The following ARSG variants were observed in gnomAD, a reference collection of about 807,000 sequenced individuals.
ARSG encodes the protein ASG.
ARSG carries 37 observed loss-of-function variants against 50.5 expected under a neutral mutation model. The observed-to-expected ratio is 0.73, with a 90% CI of 0.56 to 0.96. The LOEUF is 0.96. ARSG is among the 50% of genes least tolerant of loss of function. ARSG has a pLI of 0.00. For missense variants in ARSG, 629 were observed against 675.3 expected (o/e 0.93, Z 0.76); for synonymous variants, 225 against 254.6 (o/e 0.88, Z 1.11).
intron 8 of ARSG, among the ~76,000 whole-genome samples, chr17:68,383,852 T>G (rs1488621093): frequency 6.6e-6 from 1 of 152,192 alleles, no homozygotes; most frequent in Non-Finnish European, 1.5e-5. Context: ...CAGTTAGATT[T>G]TTCAACCCCA....
chr17:68,292,419 A>G (rs1470234341), intron 1 of ARSG, among the ~76,000 whole-genome samples: 1 of 152,172 alleles, frequency 6.6e-6, no homozygotes, highest in East Asian at 1.9e-4. Flanking sequence ...CATGGGGACA[A>G]AGCATGTGTC....
In ARSG at chr17:68,335,426, C is replaced by T. The variant is rs993670732; in HGVS notation, c.219-8178C>T. On this transcript the variant is annotated intron_variant, in intron 2 of 11. Transcript: ENST00000621439. ...AAAATTAGCCGGGCGTAGTGGCGGG[C>T]GCCTGTAGTCCCAGCTACTCGGGAG... Among the ~76,000 whole-genome samples, 14 of 151,110 alleles carry T rather than the reference C, an allele frequency of 9.3e-5. No individual in the cohort carries two copies. In the South Asian group the frequency reaches 1.5e-3, roughly 16 times the overall value.
intron 4 of ARSG, among the ~76,000 whole-genome samples, chr17:68,349,703 C>A (rs1281160437): frequency 1.3e-5 from 2 of 151,940 alleles, no homozygotes; most frequent in African/African-American, 4.8e-5. Context: ...GGCCAACATG[C>A]TGAAATCCCA....
chr17:68,395,098 G>A lies in ARSG; in HGVS notation c.1117G>A (p.Val373Ile). Reference sequence around the variant, plus strand: ...CGTGCTGGACATTTTTCCAACTGTGGTAGCCCTGGCCCAGGCCAGCTTACC... The same window carrying A: ...CGTGCTGGACATTTTTCCAACTGTGATAGCCCTGGCCCAGGCCAGCTTACC... ...LSVLDIFPTV[V>I]ALAQASLPQG... The change falls in exon 10 of 12, where the codon GTA becomes ATA. Residue 373 changes from valine (V) to isoleucine (I), a missense_variant. By Grantham distance (29) the Val-to-Ile change is conservative (BLOSUM62 3). Coordinates refer to ENST00000621439, the MANE Select transcript of ARSG (RefSeq NM_001267727.2). 6.2e-7 allele frequency: 1 copy of A among 1,614,074 alleles called. No individual in the cohort carries two copies. The highest frequency in any genetic ancestry group is 8.5e-7 in the Non-Finnish European group (1 of 1,179,944).
At chr17:68,430,009 A>G in the ARSG span, 3 of 1,614,204 alleles carry the variant, frequency 1.9e-6, no homozygotes, top group Non-Finnish European at 1.7e-6. Flanking sequence ...GAGAGGGTAC[A>G]GATGTTCCTC....
At chr17:68,352,936 C>T (rs1230802876) in intron 5 of ARSG, among the ~76,000 whole-genome samples, 1 of 152,232 alleles carries the variant, frequency 6.6e-6, no homozygotes, top group East Asian at 1.9e-4. Flanking sequence ...CAGCACAAAA[C>T]ACGTGTTCCC....
At chr17:68,429,069 G>A in the ARSG span, 10 of 658,210 alleles carry the variant, frequency 1.5e-5, no homozygotes, top group Admixed American at 1.2e-4. Flanking sequence ...CACTGATCTG[G>A]TCTGGGCTTC....
chr17:68,288,586 C>T (rs782746946), upstream of ARSG, among the ~76,000 whole-genome samples: 1 of 152,122 alleles, frequency 6.6e-6, no homozygotes, highest in African/African-American at 2.4e-5. Context: ...ACTTCACTTC[C>T]CCATTTTCAA....
At chr17:68,360,328 A>G (rs941270716) in intron 6 of ARSG, among the ~76,000 whole-genome samples, 2 of 152,214 alleles carry the variant, frequency 1.3e-5, no homozygotes, top group African/African-American at 2.4e-5. Flanking sequence ...AAAGGCCCTC[A>G]GGTCCATGCC....
At chr17:68,384,668 A>C (rs1313381284) in intron 8 of ARSG, among the ~76,000 whole-genome samples, 3 of 152,186 alleles carry the variant, frequency 2.0e-5, no homozygotes, top group Non-Finnish European at 4.4e-5. Context: ...CATTATGATC[A>C]CCAGGAAGAG....
chr17:68,337,206 A>C (rs2146144623), intron 2 of ARSG, among the ~76,000 whole-genome samples: 1 of 152,236 alleles, frequency 6.6e-6, no homozygotes, highest in East Asian at 1.9e-4. Flanking sequence ...GCCCTGGATT[A>C]TTGCGTTTAA....
At chr17:68,278,820 A>G (rs782182901) in intron 1 of ARSG, among the ~76,000 whole-genome samples, 13 of 151,856 alleles carry the variant, frequency 8.6e-5, no homozygotes, top group Non-Finnish European at 1.5e-4. Flanking sequence ...GGGTTTTGCC[A>G]TGTTGGCCAG....
chr17:68,382,388 A>T (rs565365073), intron 8 of ARSG, among the ~76,000 whole-genome samples: 2 of 152,366 alleles, frequency 1.3e-5, no homozygotes, highest in Non-Finnish European at 2.9e-5. Flanking sequence ...GCCAGGAAGC[A>T]TGTATCATGC....
intron 9 of ARSG, among the ~76,000 whole-genome samples, chr17:68,391,023 G>A (rs964584852): frequency 4.0e-5 from 6 of 151,342 alleles, no homozygotes; most frequent in Admixed American, 6.6e-5. Flanking sequence ...GCCGGGCACC[G>A]AAACGAACAG....
In ARSG at chr17:68,356,841, G is replaced by C. The variant is rs544535136; in HGVS notation, c.704+37G>C. On this transcript the variant is annotated intron_variant, in intron 6 of 11. Coordinates refer to ENST00000621439, the MANE Select transcript of ARSG (RefSeq NM_001267727.2). ...CCCTCCCTCCGCAGGGCCTCCCCCT[G>C]CCTCCACCTACCCGTGCACACACAC... 4 of 1,613,022 alleles carry C rather than the reference G, an allele frequency of 2.5e-6. No individual in the cohort carries two copies. In the African/African-American group the frequency reaches 5.3e-5, roughly 22 times the overall value.
intron 1 of ARSG, chr17:68,272,824 G>A: frequency 1.3e-6 from 2 of 1,597,084 alleles, no homozygotes; most frequent in African/African-American, 1.3e-5. Flanking sequence ...GAGACTGGAA[G>A]GATGCATTAA....
intron 11 of ARSG, among the ~76,000 whole-genome samples, chr17:68,417,733 ATTTTTTTTT>A (rs770292731): frequency 3.5e-4 from 21 of 60,832 alleles, no homozygotes; most frequent in Admixed American, 9.2e-4. Context: ...GAGTTGCTGA[ATTTTTTTTT>A]TTTTTTTTTT....
intron 2 of ARSG, among the ~76,000 whole-genome samples, chr17:68,328,824 G>C (rs1432612274): frequency 6.6e-6 from 1 of 152,158 alleles, no homozygotes; most frequent in African/African-American, 2.4e-5. Flanking sequence ...GTCGATGCAG[G>C]CTATGGCTTT....
rs898063123 is a variant in ARSG at position 68,381,401 on chromosome 17, A to G, written c.983-3663A>G. On this transcript the variant is annotated intron_variant, in intron 8 of 11. Transcript: ENST00000621439. This position sits in a 1 kb window ranked among gnomAD's most constrained non-coding sequence, Gnocchi z 4.1. ...CACAAGTGCGTAGAAATGCATTCTC[A>G]TGGCCATAAGACACGCATTTCTCGA... is the stretch of plus-strand genomic sequence containing the variant. Among the ~76,000 whole-genome samples, 9 of 152,208 alleles carry G rather than the reference A, an allele frequency of 5.9e-5. No individual in the cohort carries two copies. Among genetic ancestry groups the G allele is most frequent in the Admixed American group, 2.0e-4 (3 of 15,270 alleles).
Sources: allele counts gnomAD v4.1 joint callset (sites outside exome capture counted in the v4.1 genomes callset), GRCh38; gene constraint gnomAD v4.1.1; non-coding constraint Gnocchi (gnomAD v3.1); transcripts MANE v1.5; gene names NCBI Gene and HGNC (gene_info 2026-07-23, HGNC 2026-07-21).